Variants in ITFG1 observed in about 807,000 individuals in gnomAD.
ITFG1 encodes the protein integrin alpha FG-GAP repeat containing 1.
Under a neutral mutation model 81.8 loss-of-function variants are expected in ITFG1, and 34 were observed. That is an observed-to-expected ratio of 0.42 (90% confidence interval 0.32 to 0.55). ITFG1 has a LOEUF of 0.55. ITFG1 is among the 20% of genes least tolerant of loss of function. The pLI is 0.17. For synonymous variants in ITFG1, 285 were observed against 270.6 expected, an observed-to-expected ratio of 1.05 and a Z score of -0.52; for missense variants, 672 against 755.4, an observed-to-expected ratio of 0.89 and a Z score of 1.29.
At chr16:47,444,543 T>C (rs1477042679) in intron 5 of ITFG1, among the ~76,000 whole-genome samples, 1 of 152,160 alleles carries the variant, frequency 6.6e-6, no homozygotes, top group Non-Finnish European at 1.5e-5. Flanking sequence ...GAAGCCAACA[T>C]GTAAATTTAT....
At chr16:47,273,049 A>AT (rs1401122447) in intron 10 of ITFG1, among the ~76,000 whole-genome samples, 1 of 151,576 alleles carries the variant, frequency 6.6e-6, no homozygotes, top group African/African-American at 2.4e-5. Context: ...CTTACTTCTC[A>AT]TTAAGAGAGG....
intron 10 of ITFG1, among the ~76,000 whole-genome samples, chr16:47,309,292 G>A (rs1355986835): frequency 2.6e-5 from 4 of 151,802 alleles, no homozygotes; most frequent in Admixed American, 6.6e-5. Flanking sequence ...TGGTCTCCTC[G>A]ATCTCTTGAC....
At chr16:47,422,600 G>A (rs531799289) in intron 6 of ITFG1, among the ~76,000 whole-genome samples, 2 of 152,240 alleles carry the variant, frequency 1.3e-5, no homozygotes, top group East Asian at 1.9e-4. Context: ...GGTAGAATTC[G>A]GCTGTGAGTC....
At chr16:47,337,765 G>T (rs118128373) in intron 8 of ITFG1, among the ~76,000 whole-genome samples, 1,887 of 152,286 alleles carry the variant, frequency 0.012, 20 homozygotes, top group South Asian at 0.033. Flanking sequence ...GGAGAGGTAT[G>T]GTGGCGTTCA....
intron 2 of ITFG1, 81 bp from the exon 3 acceptor site, chr16:47,454,239 T>C (rs987491167): frequency 2.6e-5 from 31 of 1,190,958 alleles, no homozygotes; most frequent in Non-Finnish European, 3.8e-5. Context: ...CACAAAAATA[T>C]TTTCAATGAA....
At chr16:47,406,626 C>T (rs920066564) in intron 6 of ITFG1, among the ~76,000 whole-genome samples, 2 of 151,982 alleles carry the variant, frequency 1.3e-5, no homozygotes, top group Admixed American at 6.6e-5. Flanking sequence ...TGACAGTGAA[C>T]CGAAGAAACA....
chr16:47,283,274 G>A (rs186714589), intron 10 of ITFG1, among the ~76,000 whole-genome samples: 1 of 152,180 alleles, frequency 6.6e-6, no homozygotes, highest in East Asian at 1.9e-4. Flanking sequence ...TGAGAGACAG[G>A]GGTCCAGTTT....
chr16:47,318,812 T>G (rs964192345), intron 8 of ITFG1, among the ~76,000 whole-genome samples: 1 of 152,198 alleles, frequency 6.6e-6, no homozygotes, highest in Non-Finnish European at 1.5e-5. Context: ...TAAAATAAAA[T>G]TATATTTTAA....
intron 13 of ITFG1, among the ~76,000 whole-genome samples, chr16:47,221,419 T>G (rs984774775): frequency 4.6e-5 from 7 of 152,194 alleles, no homozygotes; most frequent in African/African-American, 1.7e-4. Flanking sequence ...CAGCCTTGCA[T>G]CCCAGGGATG....
chr16:47,408,601 C>T (rs76914303), intron 6 of ITFG1, among the ~76,000 whole-genome samples: 4 of 152,142 alleles, frequency 2.6e-5, no homozygotes, highest in Non-Finnish European at 5.9e-5. Flanking sequence ...GGGCCATAGT[C>T]AGAACCATGA....
chr16:47,344,433 A>T (rs1967824457), intron 8 of ITFG1, among the ~76,000 whole-genome samples: 1 of 152,220 alleles, frequency 6.6e-6, no homozygotes, highest in Admixed American at 6.5e-5. Context: ...ACTGTCTCAT[A>T]GTTTATTAAA....
chr16:47,355,203 T>A (rs1596924491), intron 8 of ITFG1, among the ~76,000 whole-genome samples: 1 of 152,134 alleles, frequency 6.6e-6, no homozygotes, highest in East Asian at 1.9e-4. Context: ...TGATATATTG[T>A]TCAGACACGA....
At chr16:47,454,480 A>G (rs186284650) in intron 2 of ITFG1, among the ~76,000 whole-genome samples, 12 of 152,316 alleles carry the variant, frequency 7.9e-5, no homozygotes, top group Admixed American at 6.5e-4. Flanking sequence ...AGACATTCGG[A>G]TGGTGTTTCT....
chr16:47,428,629 CTTAT>C (rs1451954862), intron 6 of ITFG1, among the ~76,000 whole-genome samples, 171 bp downstream of exon 6: 1 of 152,166 alleles, frequency 6.6e-6, no homozygotes, highest in Non-Finnish European at 1.5e-5. Flanking sequence ...TAGCTAAAGA[CTTAT>C]TTATTACAGT....
In ITFG1 at chr16:47,437,451, G is replaced by C. The variant is rs1490188227; in HGVS notation, c.561-8553C>G. On this transcript the variant is annotated intron_variant, in intron 5 of 17. Transcript: ENST00000320640. ...CCACTGCACTTCGGCCTGGGTGACA[G>C]AGTGAGAGTCCATCTCCTGAAAAAA... is the stretch of plus-strand genomic sequence containing the variant. 2.0e-5 allele frequency among the ~76,000 whole-genome samples: 3 copies of C among 147,442 alleles called. No homozygotes were observed. In the East Asian group the frequency reaches 5.9e-4, roughly 29 times the overall value.
At chr16:47,347,298 A>G (rs974634231) in intron 8 of ITFG1, among the ~76,000 whole-genome samples, 1 of 152,260 alleles carries the variant, frequency 6.6e-6, no homozygotes, top group African/African-American at 2.4e-5. Flanking sequence ...TTCATAGCCA[A>G]GCAAAGCTGT....
chr16:47,266,809 A>G (rs1966281744), intron 10 of ITFG1, among the ~76,000 whole-genome samples: 1 of 152,230 alleles, frequency 6.6e-6, no homozygotes, highest in Non-Finnish European at 1.5e-5. Context: ...CCAAATATCT[A>G]TCAATTGATG....
intron 8 of ITFG1, among the ~76,000 whole-genome samples, chr16:47,348,537 C>T (rs1967895615): frequency 6.6e-6 from 1 of 152,142 alleles, no homozygotes; most frequent in South Asian, 2.1e-4. Flanking sequence ...ATGAATAAAG[C>T]CTCCAAGAAA....
intron 5 of ITFG1, among the ~76,000 whole-genome samples, chr16:47,443,690 C>A (rs893829661): frequency 1.3e-5 from 2 of 151,996 alleles, no homozygotes; most frequent in Non-Finnish European, 2.9e-5. Flanking sequence ...TAAGTGAGAA[C>A]TGAACAAAGA....
Sources: allele counts gnomAD v4.1 joint callset (sites outside exome capture counted in the v4.1 genomes callset), GRCh38; gene constraint gnomAD v4.1.1; transcripts MANE v1.5; gene names NCBI Gene and HGNC (gene_info 2026-07-23, HGNC 2026-07-21).